JAK1: variants seen among roughly 807,000 people sequenced by gnomAD.
The protein encoded by JAK1 is tyrosine-protein kinase JAK1.
A neutral mutation model predicts 136.6 loss-of-function variants in JAK1; 16 were observed. The ratio of observed to expected loss-of-function variants is 0.12; its 90% confidence interval spans 0.08 to 0.18. JAK1 has a LOEUF of 0.18. Among genes scored for constraint, JAK1 ranks in the 10% least tolerant of loss-of-function variants. The pLI, the probability that JAK1 is intolerant of heterozygous loss-of-function variation, is 1.00. For missense variants in JAK1, 859 were observed against 1,450.1 expected (o/e 0.59, Z 6.62); for synonymous variants, 492 against 519.5 (o/e 0.95, Z 0.72).
At chr1:64,910,736 T>G (rs1385266845) in intron 1 of JAK1, among the ~76,000 whole-genome samples, 1 of 149,940 alleles carries the variant, frequency 6.7e-6, no homozygotes, top group African/African-American at 2.5e-5. Flanking sequence ...GAGATTACAG[T>G]AGGAGACTGA....
chr1:65,042,837 C>G (rs546517292), intron 2 of JAK1, among the ~76,000 whole-genome samples: 2 of 152,304 alleles, frequency 1.3e-5, no homozygotes, highest in African/African-American at 4.8e-5. Flanking sequence ...GCCAGAACAC[C>G]TCTATCGCAT....
intron 1 of JAK1, among the ~76,000 whole-genome samples, chr1:65,054,262 T>C (rs552205719): frequency 6.6e-6 from 1 of 152,246 alleles, no homozygotes; most frequent in African/African-American, 2.4e-5. Context: ...TGTAGAATGC[T>C]CCTTTAATGA....
At chr1:64,837,077 C>T (rs774440719) in intron 22 of JAK1, among the ~76,000 whole-genome samples, 4 of 152,256 alleles carry the variant, frequency 2.6e-5, no homozygotes, top group Middle Eastern at 3.4e-3. Flanking sequence ...TGTCTAAACC[C>T]GCATGAATCT....
chr1:64,999,283 C>T (rs1646731247), intron 2 of JAK1, among the ~76,000 whole-genome samples: 1 of 152,220 alleles, frequency 6.6e-6, no homozygotes, highest in Non-Finnish European at 1.5e-5. Context: ...GCTCTACTCT[C>T]AGTGCAAGCA....
chr1:64,866,755 C>T (rs377361834), intron 7 of JAK1, 111 bp downstream of exon 7: 1 of 745,840 alleles, frequency 1.3e-6, no homozygotes, highest in Non-Finnish European at 2.3e-6. Context: ...CCTAAATAAA[C>T]TCAGCCTATG....
At chr1:65,005,621 G>A (rs1158283392) in intron 2 of JAK1, among the ~76,000 whole-genome samples, 2 of 152,134 alleles carry the variant, frequency 1.3e-5, no homozygotes, top group African/African-American at 4.8e-5. Flanking sequence ...TTTGATCATT[G>A]CACATTGTAC....
intron 3 of JAK1, among the ~76,000 whole-genome samples, chr1:64,882,302 A>G (rs1644785252): frequency 6.6e-6 from 1 of 152,234 alleles, no homozygotes; most frequent in African/African-American, 2.4e-5. Context: ...AAAATAACCA[A>G]CCTATCCCCT....
At chr1:65,066,503 G>C (rs891578508) in intron 1 of JAK1, 1 of 152,282 alleles carries the variant, frequency 6.6e-6, no homozygotes, top group Non-Finnish European at 1.5e-5. Context: ...CAGAGAAACC[G>C]AGGCTTCCCC....
At chr1:65,000,995 A>G (rs1010100361) in intron 2 of JAK1, among the ~76,000 whole-genome samples, 5 of 151,902 alleles carry the variant, frequency 3.3e-5, no homozygotes, top group Non-Finnish European at 7.4e-5. Flanking sequence ...CTCCAACTCT[A>G]CTAAGAGGCC....
chr1:64,952,664 G>A (rs1646112538), intron 1 of JAK1, among the ~76,000 whole-genome samples: 2 of 152,142 alleles, frequency 1.3e-5, no homozygotes, highest in Admixed American at 6.5e-5. Context: ...ACTAACACGG[G>A]ACCAAAGACA....
intron 1 of JAK1, among the ~76,000 whole-genome samples, chr1:64,928,777 G>C (rs1178609312): frequency 1.3e-3 from 1 of 778 alleles, no homozygotes; most frequent in Admixed American, 0.012. Context: ...ATAAAACTCT[G>C]CAAAAAAAAA....
chr1:64,983,176 A>C (rs1160156523), intron 2 of JAK1, among the ~76,000 whole-genome samples: 1 of 152,206 alleles, frequency 6.6e-6, no homozygotes, highest in Admixed American at 6.5e-5. Flanking sequence ...AGAGCAAATA[A>C]GTCAACAATA....
At chr1:64,938,732 C>T (rs1382289343) in intron 1 of JAK1, among the ~76,000 whole-genome samples, 2 of 152,156 alleles carry the variant, frequency 1.3e-5, no homozygotes, top group Admixed American at 6.5e-5. Flanking sequence ...AAGTAGAGTT[C>T]ATTACAAAAG....
intron 1 of JAK1, among the ~76,000 whole-genome samples, chr1:64,917,097 T>C (rs1645411062): frequency 6.6e-6 from 1 of 152,114 alleles, no homozygotes; most frequent in East Asian, 1.9e-4. Flanking sequence ...GGGGCATTCC[T>C]GGGAAATTTC....
At position 64,838,787 on chromosome 1, in the gene JAK1, A is replaced by C. The variant is rs11579616; in HGVS notation, c.2843-198T>G. 0.052 allele frequency among the ~76,000 whole-genome samples: 7,978 copies of C among 152,308 alleles called. 336 individuals carry two copies. The highest frequency in any genetic ancestry group is 0.14 in the Admixed American group (2,183 of 15,294). On this transcript the variant is annotated intron_variant, in intron 20 of 24. Coordinates refer to ENST00000342505, the MANE Select transcript of JAK1 (RefSeq NM_002227.4). ...GGTAACAATGGTGTACCTACCTCAC[A>C]GGCATAAGCACTCACTGAGATAACA...
chr1:64,913,961 AG>A (rs1475000558), intron 1 of JAK1, among the ~76,000 whole-genome samples: 1 of 152,150 alleles, frequency 6.6e-6, no homozygotes, highest in Non-Finnish European at 1.5e-5. Context: ...GGTGCACTGG[AG>A]GGTGCGTTGG....
intron 1 of JAK1, among the ~76,000 whole-genome samples, chr1:64,891,728 G>C (rs1644939451): frequency 6.6e-6 from 1 of 152,216 alleles, no homozygotes; most frequent in Non-Finnish European, 1.5e-5. Flanking sequence ...ATACTGTAAA[G>C]CTGATGGATT....
intron 6 of JAK1, among the ~76,000 whole-genome samples, chr1:64,869,009 C>T (rs921416447): frequency 1.3e-5 from 2 of 152,032 alleles, no homozygotes; most frequent in Admixed American, 6.5e-5. Flanking sequence ...CAGTGATAGA[C>T]GACAGTGTCC....
At chr1:65,001,459 A>G (rs556611642) in intron 2 of JAK1, among the ~76,000 whole-genome samples, 1 of 152,156 alleles carries the variant, frequency 6.6e-6, no homozygotes, top group African/African-American at 2.4e-5. Context: ...GTCCCCACCC[A>G]CGCCACTGCC....
Sources: allele counts gnomAD v4.1 joint callset (sites outside exome capture counted in the v4.1 genomes callset), GRCh38; gene constraint gnomAD v4.1.1; transcripts MANE v1.5; gene names NCBI Gene and HGNC (gene_info 2026-07-23, HGNC 2026-07-21).